CFAP299: variants seen among roughly 807,000 people sequenced by gnomAD.
CFAP299 encodes the protein cilia- and flagella-associated protein 299.
A neutral mutation model predicts 27.0 loss-of-function variants in CFAP299; 21 were observed. The ratio of observed to expected loss-of-function variants is 0.78; its 90% CI spans 0.55 to 1.12. The LOEUF (loss-of-function observed/expected upper bound fraction) is 1.12. Among genes scored for constraint, CFAP299 ranks in the 50% most tolerant of loss-of-function variants. The pLI is 0.00. For missense variants in CFAP299, 310 were observed against 276.6 expected (o/e 1.12, Z -0.86); for synonymous variants, 104 against 98.1 (o/e 1.06, Z -0.36).
intron 3 of CFAP299, among the ~76,000 whole-genome samples, chr4:80,595,343 A>T (rs1347774252): frequency 6.6e-6 from 1 of 152,070 alleles, no homozygotes; most frequent in East Asian, 1.9e-4. Context: ...ACATATTCTG[A>T]TGTTATCTTC....
intron 3 of CFAP299, among the ~76,000 whole-genome samples, chr4:80,622,804 A>T (rs1738675453): frequency 6.6e-6 from 1 of 152,172 alleles, no homozygotes; most frequent in African/African-American, 2.4e-5. Context: ...CTGCTGACTC[A>T]CATCATCTAA....
chr4:80,922,363 G>C (rs1037829387), intron 4 of CFAP299, among the ~76,000 whole-genome samples: 1 of 151,976 alleles, frequency 6.6e-6, no homozygotes, highest in Non-Finnish European at 1.5e-5. Context: ...AAGAAAACAG[G>C]TAAAATCTTT....
intron 1 of CFAP299, among the ~76,000 whole-genome samples, chr4:80,337,637 A>T (rs1722217284): frequency 6.6e-6 from 1 of 152,082 alleles, no homozygotes; most frequent in African/African-American, 2.4e-5. Context: ...ACCTCAAGTG[A>T]TCCACCGGCC....
At chr4:80,594,972 A>C (rs1038964283) in intron 3 of CFAP299, among the ~76,000 whole-genome samples, 4 of 152,170 alleles carry the variant, frequency 2.6e-5, no homozygotes, top group African/African-American at 9.7e-5. Context: ...CAAATATGGC[A>C]GGCCTTGCTT....
intron 2 of CFAP299, among the ~76,000 whole-genome samples, chr4:80,415,544 T>C (rs968043228): frequency 6.6e-6 from 1 of 152,182 alleles, no homozygotes; most frequent in African/African-American, 2.4e-5. Flanking sequence ...ATAATTTTCA[T>C]ATAAAAATAG....
At chr4:80,832,414 AAG>A (rs1730344887) in intron 3 of CFAP299, among the ~76,000 whole-genome samples, 2 of 152,160 alleles carry the variant, frequency 1.3e-5, no homozygotes, top group South Asian at 4.1e-4. Context: ...AATGACCTAA[AAG>A]TATATTAGTA....
At chr4:80,912,777 T>A (rs1179983366) in intron 4 of CFAP299, among the ~76,000 whole-genome samples, 1 of 152,008 alleles carries the variant, frequency 6.6e-6, no homozygotes, top group Non-Finnish European at 1.5e-5. Flanking sequence ...ACTGTACTAG[T>A]CAATAGGAGT....
At chr4:80,607,284 G>A (rs1356560668) in intron 3 of CFAP299, among the ~76,000 whole-genome samples, 6 of 151,928 alleles carry the variant, frequency 3.9e-5, no homozygotes, top group South Asian at 4.2e-4. Flanking sequence ...AATTTTTCTC[G>A]GTATCTATCT....
intron 3 of CFAP299, among the ~76,000 whole-genome samples, chr4:80,672,507 T>A (rs960072872): frequency 6.6e-6 from 1 of 152,242 alleles, no homozygotes; most frequent in African/African-American, 2.4e-5. Flanking sequence ...ATCAGGATGA[T>A]ACTGGCCTCA....
intron 3 of CFAP299, among the ~76,000 whole-genome samples, chr4:80,813,698 G>T (rs1161166602): frequency 6.6e-6 from 1 of 151,870 alleles, no homozygotes; most frequent in Non-Finnish European, 1.5e-5. Flanking sequence ...TAAATTTTGG[G>T]TGAGGAAATT....
chr4:80,412,165 C>G (rs78026811), intron 2 of CFAP299, among the ~76,000 whole-genome samples: 1,762 of 152,192 alleles, frequency 0.012, 44 homozygotes, highest in African/African-American at 0.04. Flanking sequence ...ACTGTGCTTC[C>G]CTTCTGTTGG....
chr4:80,701,842 A>G (rs1721503415), intron 3 of CFAP299, among the ~76,000 whole-genome samples: 1 of 152,028 alleles, frequency 6.6e-6, no homozygotes, highest in Non-Finnish European at 1.5e-5. Context: ...ATTATAAACA[A>G]TGAACTTGCC....
intron 3 of CFAP299, among the ~76,000 whole-genome samples, chr4:80,788,940 T>G (rs952184887): frequency 6.6e-6 from 1 of 152,094 alleles, no homozygotes; most frequent in Non-Finnish European, 1.5e-5. Flanking sequence ...TTAAGTGTGG[T>G]TGACTTAACA....
At position 80,581,467 on chromosome 4, in the gene CFAP299, T is replaced by G. The variant is rs945229919; in HGVS notation, c.243-1626T>G. On this transcript the variant is annotated intron_variant, in intron 2 of 5. Coordinates refer to ENST00000358105, the MANE Select transcript of CFAP299 (RefSeq NM_152770.3). ...ATATTAAGTGAGATATATATATATATATATATATATATATATATATATGAC... is the reference window on the plus strand; with the variant it reads ...ATATTAAGTGAGATATATATATATAGATATATATATATATATATATATGAC... 1.3e-4 allele frequency among the ~76,000 whole-genome samples: 18 copies of G among 134,952 alleles called. No homozygotes were observed. The South Asian group carries it at 1.7e-3, about 13-fold the overall frequency. The allele number at this position is 134,952 out of a possible 152,430, so 88.5% of individuals were successfully genotyped here.
At chr4:80,649,400 C>T (rs1740181387) in intron 3 of CFAP299, among the ~76,000 whole-genome samples, 1 of 152,052 alleles carries the variant, frequency 6.6e-6, no homozygotes, top group Admixed American at 6.6e-5. Flanking sequence ...TTGAAATATA[C>T]ACATTTTGGG....
In CFAP299 at chr4:80,467,603, G is replaced by T. The variant is rs551282587; in HGVS notation, c.242+104719G>T. ...CTGGGTCCCTCTTGTTCAATATGAA[G>T]AAGAATATTTTCGTGTGCTCTTCAA... On this transcript the variant is annotated intron_variant, in intron 2 of 5. Transcript: ENST00000358105. 6.6e-5 allele frequency among the ~76,000 whole-genome samples: 10 copies of T among 152,194 alleles called. No individual in the cohort carries two copies. In the East Asian group the frequency reaches 1.7e-3, roughly 26 times the overall value.
chr4:80,452,717 A>G lies in CFAP299; in HGVS notation c.242+89833A>G, dbSNP rs141333475. Among the ~76,000 whole-genome samples, 5 of 152,330 alleles carry G rather than the reference A, an allele frequency of 3.3e-5. No homozygotes were observed. The East Asian group carries it at 9.6e-4, about 29-fold the overall frequency. ...TTAAATTATTATATTTTACTTGATT[A>G]CTTTGTTAAGCAGTAGAAATTGTGG... On this transcript the variant is annotated intron_variant, in intron 2 of 5. Coordinates refer to ENST00000358105, the MANE Select transcript of CFAP299 (RefSeq NM_152770.3).
intron 3 of CFAP299, among the ~76,000 whole-genome samples, chr4:80,810,637 G>C (rs550057574): frequency 1.3e-5 from 2 of 152,080 alleles, no homozygotes; most frequent in African/African-American, 4.8e-5. Flanking sequence ...TAGGATAAAA[G>C]CAGGGAACAG....
At chr4:80,436,492 C>A (rs549328989) in intron 2 of CFAP299, among the ~76,000 whole-genome samples, 1 of 151,976 alleles carries the variant, frequency 6.6e-6, no homozygotes, top group Non-Finnish European at 1.5e-5. Flanking sequence ...TTAGTAGAGA[C>A]GGGGTTTCAC....
Sources: allele counts gnomAD v4.1 joint callset (sites outside exome capture counted in the v4.1 genomes callset), GRCh38; gene constraint gnomAD v4.1.1; transcripts MANE v1.5; gene names NCBI Gene and HGNC (gene_info 2026-07-23, HGNC 2026-07-21).